CHGA: variants seen among roughly 807,000 people sequenced by gnomAD.
CHGA encodes the protein chromogranin A.
In CHGA, 41 loss-of-function variants were observed where a neutral mutation model predicts 54.4. That is an observed-to-expected ratio of 0.75 (90% CI 0.59 to 0.98). CHGA has a LOEUF of 0.98. Among genes scored for constraint, CHGA ranks in the 50% least tolerant of loss-of-function variants. The pLI is 0.00. For synonymous variants in CHGA, 249 were observed against 232.8 expected, an observed-to-expected ratio of 1.07 and a Z score of -0.63; for missense variants, 576 against 582.3, an observed-to-expected ratio of 0.99 and a Z score of 0.11.
chr14:92,932,995 C>G lies in CHGA; in HGVS notation c.1290+144C>G. 8 of 1,286,172 alleles carry G rather than the reference C, an allele frequency of 6.2e-6. No individual in the cohort carries two copies. In the South Asian group the frequency reaches 1.3e-4, roughly 21 times the overall value. The allele number at this position is 1,286,172 out of a possible 1,614,324, so 79.7% of individuals were successfully genotyped here. A position where few individuals can be genotyped will look rare whatever the true frequency, so the allele number is the denominator to read the frequency against. On this transcript the variant is annotated intron_variant, in intron 7 of 7. Coordinates refer to ENST00000216492, the MANE Select transcript of CHGA (RefSeq NM_001275.4). This position sits in a 1 kb window ranked among gnomAD's most constrained non-coding sequence, Gnocchi z 5.3. ...GATGGAGAGATGCTCAGACCGGGGG[C>G]TCTCAGGGTGGGAGAACACCCCAGC...
chr14:92,924,116 C>T lies in CHGA; in HGVS notation c.47-83C>T, dbSNP rs1046878870. On this transcript the variant is annotated intron_variant, in intron 1 of 7. Coordinates refer to ENST00000216492, the MANE Select transcript of CHGA (RefSeq NM_001275.4). ...GTTTTGAGGGGTGGCATTGGGTGAA[C>T]GGGCCCCAGTGAGCCCGGTCAGAAA... 8.1e-6 allele frequency: 12 copies of T among 1,488,840 alleles called. No individual in the cohort carries two copies. The African/African-American group carries it at 1.2e-4, about 15-fold the overall frequency. The allele number at this position is 1,488,840 out of a possible 1,614,324, so 92.2% of individuals were successfully genotyped here. A position where few individuals can be genotyped will look rare whatever the true frequency, so the allele number is the denominator to read the frequency against.
intron 5 of CHGA, among the ~76,000 whole-genome samples, chr14:92,930,329 G>A (rs1437729025): frequency 6.6e-6 from 1 of 152,238 alleles, no homozygotes; most frequent in Non-Finnish European, 1.5e-5. Flanking sequence ...GCGACACTCT[G>A]AGCCATCCTC....
At chr14:92,927,931 A>C (rs991560360) in intron 4 of CHGA, among the ~76,000 whole-genome samples, 1 of 152,198 alleles carries the variant, frequency 6.6e-6, no homozygotes, top group Non-Finnish European at 1.5e-5. Flanking sequence ...GTAGTGAGCC[A>C]CTCGTCACTG....
chr14:92,933,239 C>CGGGGCAGGGCA (rs1887051181), intron 7 of CHGA: 1 of 174,492 alleles, frequency 5.7e-6, no homozygotes, highest in African/African-American at 2.4e-5. Flanking sequence ...ATGAGGGTAA[C>CGGGGCAGGGCA]GGGGCAGGGC....
intron 2 of CHGA, 61 bp downstream of exon 2, chr14:92,924,306 C>T: frequency 6.6e-7 from 1 of 1,523,242 alleles, no homozygotes; most frequent in Non-Finnish European, 8.9e-7. Flanking sequence ...ACAGCCAGTT[C>T]TTGGGCAGCT....
intron 5 of CHGA, among the ~76,000 whole-genome samples, chr14:92,930,352 G>A (rs1886970540): frequency 6.6e-6 from 1 of 152,240 alleles, no homozygotes; most frequent in African/African-American, 2.4e-5. Context: ...TTCCCGGGGA[G>A]AGCCACAAAC....
intron 3 of CHGA, 141 bp downstream of exon 3, chr14:92,926,839 G>T (rs569797924): frequency 1.5e-5 from 11 of 723,588 alleles, no homozygotes; most frequent in Admixed American, 4.2e-5. Context: ...CACTGCACCA[G>T]GGTCCAAGGT....
At chr14:92,928,193 C>T (rs1424134891) in intron 4 of CHGA, among the ~76,000 whole-genome samples, 8 of 152,246 alleles carry the variant, frequency 5.3e-5, no homozygotes, top group Non-Finnish European at 1.0e-4. Context: ...CAGGGCATTA[C>T]AGCATGAATC....
At chr14:92,925,068 G>A (rs1886861020) in intron 2 of CHGA, among the ~76,000 whole-genome samples, 1 of 152,188 alleles carries the variant, frequency 6.6e-6, no homozygotes, top group Non-Finnish European at 1.5e-5. Flanking sequence ...TTTAGTTGCA[G>A]ATAGGACAGA....
In CHGA at chr14:92,926,655, C is replaced by T. The variant is rs750639497; in HGVS notation, c.144C>T (p.Ser48=). The T allele has an allele frequency of 6.2e-7, 1 of 1,614,020 alleles. No homozygotes were observed. Among genetic ancestry groups the T allele is most frequent in the Non-Finnish European group, 8.5e-7 (1 of 1,180,020 alleles). The change falls in exon 3 of 8, where the codon AGC becomes AGT. Residue 48 remains serine (S), a synonymous_variant. Transcript: ENST00000216492. The part of the protein sequence containing the change: ...EVISDTLSKP[S]PMPVSQECFE... ...TCTCCGACACACTTTCCAAGCCCAGCCCCATGCCTGTCAGCCAGGAATGTT... is the reference window on the plus strand; with the variant it reads ...TCTCCGACACACTTTCCAAGCCCAGTCCCATGCCTGTCAGCCAGGAATGTT...
intron 3 of CHGA, 95 bp downstream of exon 3, chr14:92,926,793 TCAA>T: frequency 9.6e-7 from 1 of 1,038,958 alleles, no homozygotes; most frequent in South Asian, 1.3e-5. Flanking sequence ...ATGATTTAAC[TCAA>T]CAGTCACTGA....
In CHGA at chr14:92,929,769, A is replaced by G. The variant is rs1886958423; in HGVS notation, c.309A>G (p.Glu103=). 1 of 1,613,500 alleles carries G rather than the reference A, an allele frequency of 6.2e-7. No homozygotes were observed. The highest frequency in any genetic ancestry group is 1.3e-5 in the African/African-American group (1 of 74,900). ...QQKKHSGFED[E]LSEVLENQSS... ...AGAAACACAGCGGTTTTGAAGATGA[A>G]CTCTCAGAGGTTCTTGAGAACCAGA... Residue 103 remains glutamate, a synonymous_variant, in exon 5 of 8, where the codon GAA becomes GAG. Transcript: ENST00000216492.
chr14:92,923,756 CCT>C (rs1174158976), intron 1 of CHGA, among the ~76,000 whole-genome samples: 1 of 152,196 alleles, frequency 6.6e-6, no homozygotes, highest in Non-Finnish European at 1.5e-5. Context: ...ACCCTCCACC[CCT>C]CTTCCCCTTT....
intron 5 of CHGA, among the ~76,000 whole-genome samples, chr14:92,930,288 AG>A (rs1298987786): frequency 6.6e-6 from 1 of 152,260 alleles, no homozygotes; most frequent in African/African-American, 2.4e-5. Context: ...AAGAGCTTCT[AG>A]GAGTCTAAGA....
At position 92,931,697 on chromosome 14, in the gene CHGA, G is replaced by GCT; in HGVS notation, c.804_805insTC (p.Glu269SerfsTer85). The GCT allele has an allele frequency of 6.4e-7, 1 of 1,568,750 alleles. No homozygotes were observed. Among genetic ancestry groups the GCT allele is most frequent in the South Asian group, 1.2e-5 (1 of 83,628 alleles). ...CTTGGCTACAAGGAGATCCGGAAAG[G>GCT]CGAGAGTACGTATGATGGCGAAGAC... On this transcript the variant is annotated frameshift_variant, in exon 6 of 8. Coordinates refer to ENST00000216492, the MANE Select transcript of CHGA (RefSeq NM_001275.4). LOFTEE classifies it high-confidence loss of function.
chr14:92,933,526 G>T (rs1232451503), intron 7 of CHGA, among the ~76,000 whole-genome samples: 1 of 152,166 alleles, frequency 6.6e-6, no homozygotes, highest in East Asian at 1.9e-4. Flanking sequence ...GCAGGGGGGA[G>T]TTGGGGTCCC....
At chr14:92,923,906 A>G (rs1285762519) in intron 1 of CHGA, among the ~76,000 whole-genome samples, 1 of 143,686 alleles carries the variant, frequency 7.0e-6, no homozygotes, top group Non-Finnish European at 1.5e-5. Flanking sequence ...CACCCGTCCC[A>G]CTGTGCAGCT....
At position 92,927,577 on chromosome 14, in the gene CHGA, A is replaced by G. The variant is rs1463472942; in HGVS notation, c.215A>G (p.His72Arg). 1.2e-6 allele frequency: 2 copies of G among 1,613,614 alleles called. No homozygotes were observed. The highest frequency in any genetic ancestry group is 1.7e-6 in the Non-Finnish European group (2 of 1,179,870). The change falls in exon 4 of 8, where the codon CAT becomes CGT. Residue 72 changes from histidine to arginine, a missense_variant. Coordinates refer to ENST00000216492, the MANE Select transcript of CHGA (RefSeq NM_001275.4). ...GAACGGATCCTTTCCATTCTGAGACATCAGAATTTACTGAAGGAGCTCCAA... is the reference window on the plus strand; with the variant it reads ...GAACGGATCCTTTCCATTCTGAGACGTCAGAATTTACTGAAGGAGCTCCAA... ...GDERILSILR[H>R]QNLLKELQDL... is the part of the protein sequence containing the mutation.
rs546295992 is a variant in CHGA at position 92,932,746 on chromosome 14, G to C, written c.1185G>C (p.Arg395Ser). ...GPGPQLRRGW[R>S]PSSREDSLEA... ...GGCCGCAGCTGCGACGAGGCTGGAG[G>C]CCATCCTCCCGGGAGGACAGCCTTG... The change falls in exon 7 of 8, where the codon AGG becomes AGC. Residue 395 changes from arginine (R) to serine (S), a missense_variant. Transcript: ENST00000216492. The surrounding 1 kb of genome is among the most constrained non-coding windows in gnomAD (Gnocchi z 5.3). The C allele has an allele frequency of 2.5e-5, 41 of 1,608,840 alleles. 1 individual carries two copies. In the South Asian group the frequency reaches 4.4e-4, roughly 17 times the overall value.
Sources: allele counts gnomAD v4.1 joint callset (sites outside exome capture counted in the v4.1 genomes callset), GRCh38; gene constraint gnomAD v4.1.1; non-coding constraint Gnocchi (gnomAD v3.1); transcripts MANE v1.5; gene names NCBI Gene and HGNC (gene_info 2026-07-23, HGNC 2026-07-21).